Variants in PTPRM observed in about 807,000 individuals in gnomAD.
PTPRM encodes the protein protein tyrosine phosphatase receptor type M, also known as receptor-type tyrosine-protein phosphatase mu.
A neutral mutation model predicts 186.7 loss-of-function variants in PTPRM; 47 were observed. The ratio of observed to expected loss-of-function variants is 0.25; its 90% CI spans 0.20 to 0.32. The LOEUF is 0.32. Among genes scored for constraint, PTPRM ranks in the 10% least tolerant of loss-of-function variants. The pLI is 1.00. For synonymous variants in PTPRM, 668 were observed against 674.9 expected (o/e 0.99, Z 0.16); for missense variants, 1,494 against 1,865.0 (o/e 0.80, Z 3.66).
intron 1 of PTPRM, among the ~76,000 whole-genome samples, chr18:7,591,088 A>G (rs771924085): frequency 1.3e-4 from 20 of 152,258 alleles, no homozygotes; most frequent in Non-Finnish European, 2.1e-4. Context: ...TTTCCAGATG[A>G]CAAAACTTAT....
chr18:8,263,318 A>C (rs1197310572), intron 19 of PTPRM, among the ~76,000 whole-genome samples: 1 of 152,176 alleles, frequency 6.6e-6, no homozygotes, highest in Non-Finnish European at 1.5e-5. Context: ...CATGTTGGCC[A>C]GGCTGGTCTC....
Position 7,718,897 on chromosome 18 carries a change from T to C in PTPRM, c.74-55252T>C, listed in dbSNP as rs116931498. 3.6e-3 allele frequency among the ~76,000 whole-genome samples: 551 copies of C among 152,198 alleles called. 28 individuals are homozygous for C. In the East Asian group the frequency reaches 0.093, roughly 26 times the overall value. On this transcript the variant is annotated intron_variant, in intron 1 of 32. Transcript: ENST00000580170. ...CATAATTTAAAAAATTAAAAAATAA[T>C]AGATGTTGGTATGGTTGTGATGAAA...
Position 8,305,900 on chromosome 18 carries a change from ATT to A in PTPRM, c.2843-8867_2843-8866del, listed in dbSNP as rs113326579. Among the ~76,000 whole-genome samples, 230 of 144,076 alleles carry A rather than the reference ATT, an allele frequency of 1.6e-3. 1 individual carries two copies. Among genetic ancestry groups the A allele is most frequent in the African/African-American group, 3.8e-3 (148 of 39,338 alleles). The allele number at this position is 144,076 out of a possible 152,430, so 94.5% of individuals were successfully genotyped here. On this transcript the variant is annotated intron_variant, in intron 20 of 32. Transcript: ENST00000580170. The stretch of plus-strand genomic sequence containing the variant: ...TGCTTTTATTCACAGAAAAGGGGTA[ATT>A]TTTTTTTTTTTTTGGATGGAGTTTC...
At position 8,316,601 on chromosome 18, in the gene PTPRM, A is replaced by G. The variant is rs1194176214; in HGVS notation, c.2919+1744A>G. ...GTTATTTACCTTTCTAGGTGCTAGC[A>G]GAAAAACTGTGAACCGTTCAAACCA... is the stretch of plus-strand genomic sequence containing the variant. On this transcript the variant is annotated intron_variant, in intron 21 of 32. Coordinates refer to ENST00000580170, the MANE Select transcript of PTPRM (RefSeq NM_001105244.2). Among the ~76,000 whole-genome samples the G allele has an allele frequency of 3.3e-5, 5 of 152,342 alleles. No individual in the cohort carries two copies. The East Asian group carries it at 7.7e-4, about 24-fold the overall frequency.
At chr18:7,852,420 A>AT (rs556062652) in intron 2 of PTPRM, among the ~76,000 whole-genome samples, 2 of 151,816 alleles carry the variant, frequency 1.3e-5, no homozygotes, top group African/African-American at 2.4e-5. Flanking sequence ...CTACAAAAAA[A>AT]TTTTTTTTAG....
At position 7,790,504 on chromosome 18, in the gene PTPRM, C is replaced by T. The variant is rs567096335; in HGVS notation, c.196+16233C>T. ...TCTGTGGCTTGTGGCTCTGCATACCCACTGACACAAAGAGGAAGGGATTAT... is the reference window on the plus strand; with the variant it reads ...TCTGTGGCTTGTGGCTCTGCATACCTACTGACACAAAGAGGAAGGGATTAT... On this transcript the variant is annotated intron_variant, in intron 2 of 32. Coordinates refer to ENST00000580170, the MANE Select transcript of PTPRM (RefSeq NM_001105244.2). Among the ~76,000 whole-genome samples, 9 of 152,268 alleles carry T rather than the reference C, an allele frequency of 5.9e-5. No homozygotes were observed. In the South Asian group the frequency reaches 6.2e-4, roughly 11 times the overall value.
chr18:8,389,743 TC>T (rs2095799523), intron 31 of PTPRM, among the ~76,000 whole-genome samples: 1 of 152,146 alleles, frequency 6.6e-6, no homozygotes, highest in Non-Finnish European at 1.5e-5. Context: ...TACATTGGCA[TC>T]CCCCAGTACT....
chr18:8,140,786 A>T (rs988509866), intron 13 of PTPRM, among the ~76,000 whole-genome samples: 3 of 152,228 alleles, frequency 2.0e-5, no homozygotes, highest in African/African-American at 7.2e-5. Context: ...ACACACAAGA[A>T]GAGAAAATGC....
At chr18:7,845,871 G>A (rs976698898) in intron 2 of PTPRM, among the ~76,000 whole-genome samples, 3 of 152,130 alleles carry the variant, frequency 2.0e-5, no homozygotes, top group Non-Finnish European at 4.4e-5. Context: ...CTTGGGGTCA[G>A]TGTCTAGTGG....
intron 14 of PTPRM, among the ~76,000 whole-genome samples, chr18:8,243,042 A>G (rs984486666): frequency 6.6e-6 from 1 of 152,186 alleles, no homozygotes; most frequent in Non-Finnish European, 1.5e-5. Flanking sequence ...CCTTCTCCTT[A>G]GGCATCTCTA....
intron 7 of PTPRM, among the ~76,000 whole-genome samples, chr18:8,033,129 A>G (rs1422455165): frequency 6.6e-6 from 1 of 152,208 alleles, no homozygotes; most frequent in African/African-American, 2.4e-5. Flanking sequence ...AAAAAATTTA[A>G]AATCTGAAGT....
At chr18:8,173,106 T>G (rs2093429107) in intron 14 of PTPRM, among the ~76,000 whole-genome samples, 1 of 152,206 alleles carries the variant, frequency 6.6e-6, no homozygotes, top group Non-Finnish European at 1.5e-5. Context: ...AGCCCTAAGC[T>G]AGGTGCCGAG....
chr18:7,625,191 A>C (rs540257875), intron 1 of PTPRM, among the ~76,000 whole-genome samples: 1 of 152,228 alleles, frequency 6.6e-6, no homozygotes, highest in East Asian at 1.9e-4. Flanking sequence ...TTAAGCAGGC[A>C]TCAGAATGTC....
intron 14 of PTPRM, among the ~76,000 whole-genome samples, chr18:8,153,875 C>T (rs1214369790): frequency 6.6e-6 from 1 of 152,146 alleles, no homozygotes; most frequent in Non-Finnish European, 1.5e-5. Context: ...TGATTCTGAA[C>T]TTCTCTGGCC....
intron 2 of PTPRM, among the ~76,000 whole-genome samples, chr18:7,874,812 T>C (rs889378922): frequency 6.6e-6 from 1 of 152,248 alleles, no homozygotes; most frequent in Non-Finnish European, 1.5e-5. Flanking sequence ...AGTTCAGTTA[T>C]TTTAATTATC....
intron 14 of PTPRM, among the ~76,000 whole-genome samples, chr18:8,156,765 T>TA (rs561555542): frequency 2.6e-4 from 39 of 152,318 alleles, no homozygotes; most frequent in Non-Finnish European, 5.3e-4. Flanking sequence ...TTTAAGTCTA[T>TA]AAATATTTGA....
intron 5 of PTPRM, chr18:7,946,753 T>C (rs1448050167): frequency 3.0e-6 from 1 of 336,690 alleles, no homozygotes; most frequent in Non-Finnish European, 5.9e-6. Flanking sequence ...TTGTGTGGTA[T>C]AAACAAGACT....
At chr18:7,861,845 C>T (rs1261018781) in intron 2 of PTPRM, among the ~76,000 whole-genome samples, 1 of 152,120 alleles carries the variant, frequency 6.6e-6, no homozygotes, top group African/African-American at 2.4e-5. Context: ...AGTAAACCTA[C>T]TCTCTTACCC....
chr18:8,033,711 C>T (rs114974365), intron 7 of PTPRM, among the ~76,000 whole-genome samples: 1,946 of 152,286 alleles, frequency 0.013, 32 homozygotes, highest in African/African-American at 0.044. Flanking sequence ...GATTTGTTAA[C>T]GTCTATCAAA....
Sources: gnomAD v4.1 joint callset for allele counts (sites outside exome capture counted in the v4.1 genomes callset) on GRCh38, gnomAD v4.1.1 for gene constraint, MANE v1.5 for transcripts, NCBI Gene and HGNC (gene_info 2026-07-23, HGNC 2026-07-21) for gene names.